ROR1: variants seen among roughly 807,000 people sequenced by gnomAD.
ROR1 encodes inactive tyrosine-protein kinase transmembrane receptor ROR1.
ROR1 carries 19 observed loss-of-function variants against 78.8 expected under a neutral mutation model. The ratio of observed to expected loss-of-function variants is 0.24; its 90% CI spans 0.17 to 0.35. ROR1 has a LOEUF of 0.35. Among genes scored for constraint, ROR1 ranks in the 10% least tolerant of loss-of-function variants. The probability of loss-of-function intolerance (pLI) is 1.00; values close to 1 mark genes in which losing one functional copy is unlikely to be tolerated. For synonymous variants in ROR1, 386 were observed against 433.6 expected, an observed-to-expected ratio of 0.89 and a Z score of 1.36; for missense variants, 917 against 1,177.8, an observed-to-expected ratio of 0.78 and a Z score of 3.24.
chr1:64,102,698 C>T (rs896477237), intron 4 of ROR1, among the ~76,000 whole-genome samples: 3 of 152,192 alleles, frequency 2.0e-5, no homozygotes, highest in African/African-American at 7.2e-5. Context: ...GTTTGATCGC[C>T]TTCGCTTTTT....
chr1:63,877,143 G>GGCCT (rs1296143444), intron 1 of ROR1, among the ~76,000 whole-genome samples: 47 of 152,160 alleles, frequency 3.1e-4, no homozygotes, highest in African/African-American at 1.1e-3. Context: ...TAATGGAAAG[G>GGCCT]GCCTGGCTTT....
intron 1 of ROR1, among the ~76,000 whole-genome samples, chr1:63,884,556 C>A (rs1645344292): frequency 6.6e-6 from 1 of 152,122 alleles, no homozygotes; most frequent in Non-Finnish European, 1.5e-5. Context: ...GCAGCCTCAG[C>A]CTTTTGATTC....
At chr1:64,112,304 T>C (rs1162333587) in intron 4 of ROR1, 2 of 152,180 alleles carry the variant, frequency 1.3e-5, no homozygotes, top group African/African-American at 4.8e-5. Context: ...TATTGTGATG[T>C]TTATCAGATC....
intron 4 of ROR1, among the ~76,000 whole-genome samples, chr1:64,116,993 C>A (rs1256783076): frequency 6.6e-6 from 1 of 152,140 alleles, no homozygotes; most frequent in Non-Finnish European, 1.5e-5. Context: ...GGGAAGAAAT[C>A]AAGTCTAACC....
chr1:63,810,941 GA>G (rs1431524713), intron 1 of ROR1, among the ~76,000 whole-genome samples: 1 of 152,192 alleles, frequency 6.6e-6, no homozygotes, highest in Non-Finnish European at 1.5e-5. Context: ...CAGAACTCCT[GA>G]ATGTGGACCC....
chr1:63,962,285 T>A, intron 1 of ROR1, among the ~76,000 whole-genome samples: 1 of 152,304 alleles, frequency 6.6e-6, no homozygotes, highest in African/African-American at 2.4e-5. Flanking sequence ...AAATTATTTT[T>A]AAAAAGATTA....
At chr1:63,849,741 G>T (rs1279782965) in intron 1 of ROR1, among the ~76,000 whole-genome samples, 1 of 152,116 alleles carries the variant, frequency 6.6e-6, no homozygotes, top group Non-Finnish European at 1.5e-5. Context: ...AACAGTGGAT[G>T]GATTTTTGTT....
At chr1:63,819,502 T>A (rs1041804485) in intron 1 of ROR1, among the ~76,000 whole-genome samples, 3 of 152,170 alleles carry the variant, frequency 2.0e-5, no homozygotes, top group African/African-American at 7.2e-5. Context: ...GCAGTTATTA[T>A]TGTGAGGGAG....
chr1:63,965,383 G>C (rs746289706), intron 1 of ROR1, among the ~76,000 whole-genome samples: 20 of 152,154 alleles, frequency 1.3e-4, no homozygotes, highest in Non-Finnish European at 2.2e-4. Flanking sequence ...GTACTAACTG[G>C]TTACTACGAT....
At chr1:64,006,177 G>C (rs1335271977) in intron 1 of ROR1, among the ~76,000 whole-genome samples, 1 of 152,240 alleles carries the variant, frequency 6.6e-6, no homozygotes, top group Non-Finnish European at 1.5e-5. Flanking sequence ...ATTTCTGGCT[G>C]TGAGCAGCAG....
At chr1:64,032,800 G>T (rs1332471917) in intron 2 of ROR1, among the ~76,000 whole-genome samples, 1 of 152,182 alleles carries the variant, frequency 6.6e-6, no homozygotes, top group Non-Finnish European at 1.5e-5. Flanking sequence ...AATTTCCACT[G>T]CTTTTTGTAC....
intron 1 of ROR1, among the ~76,000 whole-genome samples, chr1:63,785,266 T>C (rs1644677034): frequency 6.6e-6 from 1 of 152,192 alleles, no homozygotes; most frequent in African/African-American, 2.4e-5. Context: ...CTGGAGAGTA[T>C]TGGCTGTTTT....
At chr1:64,108,374 G>A (rs1647921130) in intron 4 of ROR1, 1 of 115,122 alleles carries the variant, frequency 8.7e-6, no homozygotes, top group Non-Finnish European at 1.6e-5. Flanking sequence ...TCCAGCATGG[G>A]CGACAGAGTG....
chr1:64,089,291 A>G (rs7553533), intron 4 of ROR1, among the ~76,000 whole-genome samples: 1 of 151,648 alleles, frequency 6.6e-6, no homozygotes, highest in Non-Finnish European at 1.5e-5. Context: ...CTCACTGCAG[A>G]CTCAACTTCC....
chr1:64,116,981 G>C (rs959348413), intron 4 of ROR1, among the ~76,000 whole-genome samples: 1 of 152,138 alleles, frequency 6.6e-6, no homozygotes, highest in Non-Finnish European at 1.5e-5. Context: ...CATGCTCCTT[G>C]AGGGAAGAAA....
intron 1 of ROR1, among the ~76,000 whole-genome samples, chr1:63,960,123 G>A (rs1406168611): frequency 6.6e-6 from 1 of 152,086 alleles, no homozygotes; most frequent in Non-Finnish European, 1.5e-5. Context: ...CTTTTCCAGG[G>A]CAGGACAGTA....
At chr1:63,828,217 GT>G (rs1644967000) in intron 1 of ROR1, among the ~76,000 whole-genome samples, 1 of 152,150 alleles carries the variant, frequency 6.6e-6, no homozygotes, top group Admixed American at 6.6e-5. Context: ...ATTAGTAGCG[GT>G]TTTTCTAAAG....
chr1:63,895,296 G>A (rs912594052), intron 1 of ROR1, among the ~76,000 whole-genome samples: 9 of 152,118 alleles, frequency 5.9e-5, no homozygotes, highest in Non-Finnish European at 1.2e-4. Flanking sequence ...CTAGTTATCT[G>A]CATTTTTCTT....
At chr1:63,801,148 A>T (rs1315969838) in intron 1 of ROR1, among the ~76,000 whole-genome samples, 1 of 152,112 alleles carries the variant, frequency 6.6e-6, no homozygotes, top group Non-Finnish European at 1.5e-5. Flanking sequence ...GTAATTTTGC[A>T]TTAGTTTTAT....
Sources: gnomAD v4.1 joint callset for allele counts (sites outside exome capture counted in the v4.1 genomes callset) on GRCh38, gnomAD v4.1.1 for gene constraint, MANE v1.5 for transcripts, NCBI Gene and HGNC (gene_info 2026-07-23, HGNC 2026-07-21) for gene names.